Variants in SLC25A21 observed in about 807,000 individuals in gnomAD.
The protein encoded by SLC25A21 is solute carrier family 25 member 21.
In SLC25A21, 47 loss-of-function variants were observed where a neutral mutation model predicts 43.8. The ratio of observed to expected loss-of-function variants is 1.07; its 90% CI spans 0.85 to 1.37. The LOEUF (loss-of-function observed/expected upper bound fraction) is 1.37, where lower values mean the gene tolerates loss of function less well. SLC25A21 is among the 40% of genes most tolerant of loss of function. SLC25A21 has a pLI of 0.00. For missense variants in SLC25A21, 352 were observed against 350.2 expected, an observed-to-expected ratio of 1.00 and a Z score of -0.04; for synonymous variants, 131 against 121.3, an observed-to-expected ratio of 1.08 and a Z score of -0.52.
intron 1 of SLC25A21, among the ~76,000 whole-genome samples, chr14:37,048,387 A>G (rs1240829395): frequency 1.3e-5 from 2 of 152,100 alleles, no homozygotes; most frequent in African/African-American, 4.8e-5. Flanking sequence ...CGGGTTATGT[A>G]TCTCAATCAA....
intron 1 of SLC25A21, among the ~76,000 whole-genome samples, chr14:37,160,950 AGAGGAG>A (rs757842810): frequency 6.9e-5 from 8 of 116,086 alleles, no homozygotes; most frequent in African/African-American, 2.6e-4. Flanking sequence ...AGAAGGAGGA[AGAGGAG>A]GAGGAGGAGG....
intron 1 of SLC25A21, among the ~76,000 whole-genome samples, chr14:37,081,298 T>A (rs914062456): frequency 6.6e-6 from 1 of 152,228 alleles, no homozygotes; most frequent in Non-Finnish European, 1.5e-5. Context: ...TAATATCAGA[T>A]GTAACCTCTT....
intron 1 of SLC25A21, among the ~76,000 whole-genome samples, chr14:36,888,894 A>G (rs1890999790): frequency 6.6e-6 from 1 of 152,198 alleles, no homozygotes; most frequent in Admixed American, 6.5e-5. Flanking sequence ...TCTTGCAATC[A>G]TATTCATCTT....
chr14:36,854,883 G>A (rs993352302), intron 2 of SLC25A21, among the ~76,000 whole-genome samples: 3 of 149,568 alleles, frequency 2.0e-5, no homozygotes. Context: ...ACAGAAAGCT[G>A]CAGTGTAGGA....
chr14:37,117,305 C>T (rs1963123560), intron 1 of SLC25A21, among the ~76,000 whole-genome samples: 1 of 151,964 alleles, frequency 6.6e-6, no homozygotes, highest in African/African-American at 2.4e-5. Context: ...GCTTATTGCC[C>T]TAAAAAAGAA....
At chr14:37,162,833 CA>C (rs1358038182) in intron 1 of SLC25A21, among the ~76,000 whole-genome samples, 1 of 152,158 alleles carries the variant, frequency 6.6e-6, no homozygotes, top group African/African-American at 2.4e-5. Context: ...TATAAAGACA[CA>C]TGCACATGTA....
intron 1 of SLC25A21, among the ~76,000 whole-genome samples, chr14:37,149,466 AG>A (rs989690641): frequency 6.6e-6 from 1 of 152,086 alleles, no homozygotes; most frequent in African/African-American, 2.4e-5. Flanking sequence ...AAAATCCGCT[AG>A]GGCCGGCCAC....
chr14:37,122,845 A>G (rs933959670), intron 1 of SLC25A21, among the ~76,000 whole-genome samples: 1 of 152,240 alleles, frequency 6.6e-6, no homozygotes, highest in African/African-American at 2.4e-5. Flanking sequence ...ACTAAAAATT[A>G]AAGTATCACT....
rs142786617 is a variant in SLC25A21 at position 36,899,447 on chromosome 14, C to T, written c.71-24443G>A. Among the ~76,000 whole-genome samples, 501 of 152,266 alleles carry T rather than the reference C, an allele frequency of 3.3e-3. 4 individuals are homozygous for T. Among genetic ancestry groups the T allele is most frequent in the African/African-American group, 0.011 (460 of 41,554 alleles). ...CAAATTGACAAAATGGCACCGTCTC[C>T]GAACTAAATTCAACTTACACCAAGG... is the stretch of plus-strand genomic sequence containing the variant. On this transcript the variant is annotated intron_variant, in intron 1 of 9. Coordinates refer to ENST00000331299, the MANE Select transcript of SLC25A21 (RefSeq NM_030631.4).
chr14:37,023,329 A>T (rs149921967), intron 1 of SLC25A21, among the ~76,000 whole-genome samples: 1 of 152,124 alleles, frequency 6.6e-6, no homozygotes, highest in Non-Finnish European at 1.5e-5. Flanking sequence ...TGCAAGAAAA[A>T]GCCTTAGGGC....
chr14:36,920,189 T>C (rs1330799348), intron 1 of SLC25A21, among the ~76,000 whole-genome samples: 1 of 152,084 alleles, frequency 6.6e-6, no homozygotes, highest in East Asian at 1.9e-4. Flanking sequence ...TCTTAATCTC[T>C]ATCCTATTAA....
intron 5 of SLC25A21, among the ~76,000 whole-genome samples, chr14:36,728,449 A>G (rs566932339): frequency 1.4e-3 from 220 of 152,292 alleles, no homozygotes; most frequent in Non-Finnish European, 2.8e-3. Context: ...CTTAAGAATG[A>G]CATTAAGGGA....
At chr14:36,689,811 C>T (rs1332065755) in intron 7 of SLC25A21, among the ~76,000 whole-genome samples, 1 of 152,214 alleles carries the variant, frequency 6.6e-6, no homozygotes, top group Non-Finnish European at 1.5e-5. Context: ...CCAAGTTATT[C>T]TGATGGATGG....
At chr14:37,051,787 C>T (rs912276251) in intron 1 of SLC25A21, among the ~76,000 whole-genome samples, 1 of 152,152 alleles carries the variant, frequency 6.6e-6, no homozygotes, top group African/African-American at 2.4e-5. Flanking sequence ...ACCTGTGTGA[C>T]CAGGTAGGGA....
At chr14:36,700,193 C>A (rs1328900499) in intron 7 of SLC25A21, among the ~76,000 whole-genome samples, 3 of 152,166 alleles carry the variant, frequency 2.0e-5, no homozygotes, top group African/African-American at 7.2e-5. Context: ...CCAGACCATG[C>A]CAACTTCTTG....
rs991092053 is a variant in SLC25A21 at position 36,973,018 on chromosome 14, T to C, written c.71-98014A>G. On this transcript the variant is annotated intron_variant, in intron 1 of 9. Coordinates refer to ENST00000331299, the MANE Select transcript of SLC25A21 (RefSeq NM_030631.4). ...TGGCTAATTTTTATTTTTATTTATT[T>C]ATTTATTTTATTTTATTTTATTTTA... Among the ~76,000 whole-genome samples the C allele has an allele frequency of 2.6e-5, 3 of 117,252 alleles. No individual in the cohort carries two copies. In the East Asian group the frequency reaches 8.1e-4, roughly 32 times the overall value. 76.9% of individuals were successfully genotyped at this position (117,252 alleles called of 152,430 possible). A position where few individuals can be genotyped will look rare whatever the true frequency, so the allele number is the denominator to read the frequency against.
At chr14:37,172,241 A>C (rs1300552448) in intron 1 of SLC25A21, 40 bp downstream of exon 1, 5 of 1,550,720 alleles carry the variant, frequency 3.2e-6, no homozygotes, top group Non-Finnish European at 4.4e-6. Context: ...CGGTGGGGAA[A>C]GCGACTAGCC....
At chr14:37,023,092 C>T (rs1011412631) in intron 1 of SLC25A21, among the ~76,000 whole-genome samples, 1 of 151,956 alleles carries the variant, frequency 6.6e-6, no homozygotes, top group Admixed American at 6.6e-5. Context: ...ACAAGCTGAA[C>T]ACATCTCCAG....
intron 1 of SLC25A21, among the ~76,000 whole-genome samples, chr14:37,048,277 C>G (rs1443741013): frequency 6.6e-6 from 1 of 151,938 alleles, no homozygotes; most frequent in African/African-American, 2.4e-5. Context: ...TAAGACAGAC[C>G]CTACAAATAC....
Sources: gnomAD v4.1 joint callset for allele counts (sites outside exome capture counted in the v4.1 genomes callset) on GRCh38, gnomAD v4.1.1 for gene constraint, MANE v1.5 for transcripts, NCBI Gene and HGNC (gene_info 2026-07-23, HGNC 2026-07-21) for gene names.